The following TACC2 variants were observed in gnomAD, a reference collection of about 807,000 sequenced individuals.
TACC2 encodes transforming acidic coiled-coil containing protein 2, also known as transforming acidic coiled-coil-containing protein 2.
Under a neutral mutation model 227.3 loss-of-function variants are expected in TACC2, and 137 were observed. That is an observed-to-expected ratio of 0.60 (90% CI 0.52 to 0.69). The LOEUF is 0.69. Ranked by LOEUF, TACC2 falls within the 30% of genes least tolerant of loss-of-function variation. TACC2 has a pLI of 0.00. For missense variants in TACC2, 3,470 were observed against 3,694.4 expected (o/e 0.94, Z 1.57); for synonymous variants, 1,523 against 1,487.5 (o/e 1.02, Z -0.55).
In TACC2 at chr10:122,146,262, G is replaced by T. The variant is rs1476288567; in HGVS notation, c.5834+2556G>T. Among the ~76,000 whole-genome samples, 14 of 151,864 alleles carry T rather than the reference G, an allele frequency of 9.2e-5. 1 individual carries two copies. Among genetic ancestry groups the T allele is most frequent in the Admixed American group, 7.9e-4 (12 of 15,244 alleles). On this transcript the variant is annotated intron_variant, in intron 7 of 22. Coordinates refer to ENST00000369005, the MANE Select transcript of TACC2 (RefSeq NM_206862.4). Reference sequence around the variant, plus strand: ...ATATTGTTGGGGAGAAACAGCATGTGCATGGACCCTGAGGTCCATCTCAAA... The same window carrying T: ...ATATTGTTGGGGAGAAACAGCATGTTCATGGACCCTGAGGTCCATCTCAAA...
chr10:122,206,282 C>T lies in TACC2; in HGVS notation c.5972-4115C>T, dbSNP rs569661130. Among the ~76,000 whole-genome samples, 16 of 152,340 alleles carry T rather than the reference C, an allele frequency of 1.1e-4. No individual in the cohort carries two copies. The Middle Eastern group carries it at 0.01, about 97-fold the overall frequency. On this transcript the variant is annotated intron_variant, in intron 8 of 22. Coordinates refer to ENST00000369005, the MANE Select transcript of TACC2 (RefSeq NM_206862.4). The stretch of plus-strand genomic sequence containing the variant: ...AGCCCCCTGTCATCTCTAACACATT[C>T]GCTTTCCCTCAACTTGGGCATTTTA...
rs1457079141 is a variant in TACC2, at chr10:122,086,157, A to G, written c.3657A>G (p.Pro1219=). The G allele has an allele frequency of 1.9e-6, 3 of 1,613,538 alleles. No homozygotes were observed. In the African/African-American group the frequency reaches 4.0e-5, roughly 22 times the overall value. Residue 1219 remains proline (P), a synonymous_variant, in exon 4 of 23, where the codon CCA becomes CCG. Transcript: ENST00000369005. ...DFSTHQAVPD[P]KELLLSGPPE... Reference sequence around the variant, plus strand: ...CTACACACCAGGCTGTCCCAGACCCAAAGGAGCTCCTGCTGTCTGGGCCAC... The same window carrying G: ...CTACACACCAGGCTGTCCCAGACCCGAAGGAGCTCCTGCTGTCTGGGCCAC...
chr10:121,998,579 G>T (rs865897274), intron 1 of TACC2, among the ~76,000 whole-genome samples: 5 of 152,134 alleles, frequency 3.3e-5, no homozygotes, highest in Non-Finnish European at 5.9e-5. Flanking sequence ...ATTAATGAGG[G>T]TGTTTAAAAT....
intron 1 of TACC2, among the ~76,000 whole-genome samples, chr10:122,011,050 T>C (rs1338341488): frequency 6.6e-6 from 1 of 152,172 alleles, no homozygotes; most frequent in Non-Finnish European, 1.5e-5. Flanking sequence ...CAAATTTAGG[T>C]TGGCTCTTGG....
intron 5 of TACC2, among the ~76,000 whole-genome samples, chr10:122,116,029 A>G (rs1040688045): frequency 2.6e-5 from 4 of 151,950 alleles, no homozygotes; most frequent in East Asian, 3.9e-4. Flanking sequence ...CCTCTCCCCT[A>G]TTGAGGTCGC....
At position 122,135,839 on chromosome 10, in the gene TACC2, T is replaced by C. The variant is rs562536146; in HGVS notation, c.5699+3105T>C. Among the ~76,000 whole-genome samples, 3 of 152,366 alleles carry C rather than the reference T, an allele frequency of 2.0e-5. No homozygotes were observed. In the East Asian group the frequency reaches 5.8e-4, roughly 29 times the overall value. ...TGCCTTCTTGTCGTGGCTCTGGCAC[T>C]GCAAACAAGTGTCCTTACGTGGCAT... On this transcript the variant is annotated intron_variant, in intron 6 of 22. Transcript: ENST00000369005.
intron 7 of TACC2, among the ~76,000 whole-genome samples, chr10:122,191,039 C>T (rs1234272937): frequency 2.0e-5 from 3 of 152,112 alleles, no homozygotes; most frequent in African/African-American, 7.2e-5. Flanking sequence ...AGTAACCATA[C>T]GGCCTCTGGC....
In TACC2 at chr10:122,211,494, C is replaced by G. The variant is rs1473323611; in HGVS notation, c.7069C>G (p.Gln2357Glu). 1 of 1,613,690 alleles carries G rather than the reference C, an allele frequency of 6.2e-7. No individual in the cohort carries two copies. The highest frequency in any genetic ancestry group is 1.1e-5 in the South Asian group (1 of 91,004). The change falls in exon 9 of 23, where the codon CAG (glutamine) becomes GAG (glutamate). Residue 2357 changes from glutamine (Q) to glutamate (E), a missense_variant. Around this residue, in one of 10 missense-constraint regions of TACC2, gnomAD observed 593 missense variants for 636.6 expected, o/e 0.93. Transcript: ENST00000369005. ...FNPFSSTSKM[Q>E]ESPKLPQQSY... ...CCCTTTTTCTTCCACCTCAAAAATGCAGGAGTCTCCCAAACTGCCCCAACA... is the reference window on the plus strand; with the variant it reads ...CCCTTTTTCTTCCACCTCAAAAATGGAGGAGTCTCCCAAACTGCCCCAACA...
intron 1 of TACC2, among the ~76,000 whole-genome samples, chr10:122,006,321 C>T (rs1955130426): frequency 1.3e-5 from 2 of 151,950 alleles, no homozygotes; most frequent in South Asian, 2.1e-4. Context: ...TGGTGGCTCA[C>T]GCCTGTAGTC....
chr10:122,082,153 T>TA (rs1274190947), intron 3 of TACC2, among the ~76,000 whole-genome samples: 1 of 152,052 alleles, frequency 6.6e-6, no homozygotes, highest in East Asian at 1.9e-4. Flanking sequence ...ACAAAAAATT[T>TA]AAAAATTAGC....
chr10:122,183,729 C>G (rs945687066), intron 7 of TACC2, among the ~76,000 whole-genome samples: 5 of 152,138 alleles, frequency 3.3e-5, no homozygotes, highest in African/African-American at 1.2e-4. Context: ...AATAAGGACT[C>G]CAGCCTGTTC....
At chr10:122,131,947 G>A (rs879668759) in intron 5 of TACC2, among the ~76,000 whole-genome samples, 8 of 152,018 alleles carry the variant, frequency 5.3e-5, no homozygotes, top group Non-Finnish European at 1.2e-4. Context: ...GCTTGAACCC[G>A]TGAGGCGGCG....
rs550452398 is a variant in TACC2 at position 122,180,101 on chromosome 10, T to C, written c.5835-14939T>C. Reference sequence around the variant, plus strand: ...CGGTGTCTCCAAAAAAACAGGCGAGTCCTTTCCCCGTGTAACCCTCAGTGG... The same window carrying C: ...CGGTGTCTCCAAAAAAACAGGCGAGCCCTTTCCCCGTGTAACCCTCAGTGG... On this transcript the variant is annotated intron_variant, in intron 7 of 22. Coordinates refer to ENST00000369005, the MANE Select transcript of TACC2 (RefSeq NM_206862.4). The surrounding 1 kb of genome is among the most constrained non-coding windows in gnomAD (Gnocchi z 4.5). 6.6e-6 allele frequency among the ~76,000 whole-genome samples: 1 copy of C among 150,776 alleles called. No homozygotes were observed. The highest frequency in any genetic ancestry group is 1.5e-5 in the Non-Finnish European group (1 of 67,782).
chr10:122,030,429 C>G lies in TACC2; in HGVS notation c.33+8415C>G, dbSNP rs368942141. 1.1e-4 allele frequency among the ~76,000 whole-genome samples: 17 copies of G among 152,292 alleles called. No homozygotes were observed. In the South Asian group the frequency reaches 3.1e-3, roughly 28 times the overall value. ...TTCCAGAACAGTGATGTCGACTTCT[C>G]TCACCAGGGCATGAAAGCCTGTGTC... is the stretch of plus-strand genomic sequence containing the variant. On this transcript the variant is annotated intron_variant, in intron 2 of 22. Coordinates refer to ENST00000369005, the MANE Select transcript of TACC2 (RefSeq NM_206862.4).
intron 9 of TACC2, chr10:122,213,454 AT>A: frequency 6.8e-7 from 1 of 1,471,942 alleles, no homozygotes. Context: ...CTTCCAAGCC[AT>A]TTTTATTTCC....
At chr10:122,002,403 A>G (rs1954500887) in intron 1 of TACC2, among the ~76,000 whole-genome samples, 1 of 136,730 alleles carries the variant, frequency 7.3e-6, no homozygotes, top group Non-Finnish European at 1.7e-5. Context: ...TGCATCACTC[A>G]TGTTCATGAG....
In TACC2 at chr10:122,196,368, C is replaced by T. The variant is rs141302484; in HGVS notation, c.5971+1192C>T. Among the ~76,000 whole-genome samples, 21 of 152,306 alleles carry T rather than the reference C, an allele frequency of 1.4e-4. No homozygotes were observed. In the East Asian group the frequency reaches 4.1e-3, roughly 29 times the overall value. On this transcript the variant is annotated intron_variant, in intron 8 of 22. Transcript: ENST00000369005. The stretch of plus-strand genomic sequence containing the variant: ...TGAGAGCTGATGCCTTTGGTGGAGT[C>T]TGCCGAATACTGCTCCCATGTCCCC...
rs1477398525 is a variant in TACC2 at position 122,211,206 on chromosome 10, C to T, written c.6781C>T (p.Leu2261Phe). 1 of 1,613,990 alleles carries T rather than the reference C, an allele frequency of 6.2e-7. No individual in the cohort carries two copies. Among genetic ancestry groups the T allele is most frequent in the South Asian group, 1.1e-5 (1 of 91,032 alleles). Residue 2261 changes from leucine to phenylalanine, a missense_variant, in exon 9 of 23, where the codon CTC (leucine) becomes TTC (phenylalanine). Transcript: ENST00000369005. ...GGQEDSPAKG[L>F]SVRLEFDYSE... Reference sequence around the variant, plus strand: ...GCAAGAGGACTCTCCAGCCAAAGGGCTCTCCGTAAGGCTGGAGTTTGACTA... The same window carrying T: ...GCAAGAGGACTCTCCAGCCAAAGGGTTCTCCGTAAGGCTGGAGTTTGACTA...
chr10:122,076,474 T>A (rs1256334853), intron 3 of TACC2, among the ~76,000 whole-genome samples: 2 of 152,230 alleles, frequency 1.3e-5, no homozygotes, highest in Non-Finnish European at 2.9e-5. Context: ...CCGGCTTTCC[T>A]TTTCCAGAAG....
Sources: gnomAD v4.1 joint callset for allele counts (sites outside exome capture counted in the v4.1 genomes callset) on GRCh38, gnomAD v4.1.1 for gene constraint, gnomAD v4.1.1 regional missense constraint, Gnocchi (gnomAD v3.1) non-coding constraint, MANE v1.5 for transcripts, NCBI Gene and HGNC (gene_info 2026-07-23, HGNC 2026-07-21) for gene names.